The following MYH13 variants were observed in gnomAD, a reference collection of about 807,000 sequenced individuals.
MYH13 encodes myosin-13.
Under a neutral mutation model 232.1 loss-of-function variants are expected in MYH13, and 177 were observed. That is an observed-to-expected ratio of 0.76 (90% CI 0.67 to 0.86). MYH13 has a LOEUF of 0.86. Ranked by LOEUF, MYH13 falls within the 40% of genes least tolerant of loss-of-function variation. MYH13 has a pLI of 0.00. For synonymous variants in MYH13, 884 were observed against 923.5 expected, an observed-to-expected ratio of 0.96 and a Z score of 0.78; for missense variants, 2,246 against 2,405.9, an observed-to-expected ratio of 0.93 and a Z score of 1.39.
intron 21 of MYH13, 132 bp from the exon 22 acceptor site, chr17:10,328,253 G>T: frequency 2.1e-6 from 2 of 964,376 alleles, no homozygotes; most frequent in Non-Finnish European, 3.1e-6. Flanking sequence ...AAGCTTGGCA[G>T]ATCCTCTGGA....
At position 10,321,660 on chromosome 17, in the gene MYH13, T is replaced by A; in HGVS notation, c.2983A>T (p.Lys995Ter). 6.2e-7 allele frequency: 1 copy of A among 1,613,840 alleles called. No homozygotes were observed. Among genetic ancestry groups the A allele is most frequent in the Non-Finnish European group, 8.5e-7 (1 of 1,179,796 alleles). ...AGAGATTTCTTTTCTTTGGTCAATT[T>A]GGAAATGTTTTCTTCAAGTGCTGTC... ...EMTALEENIS[K>*]LTKEKKSLQE... The change falls in exon 24 of 41, where the codon AAA (lysine) becomes TAA (stop). Residue 995 changes from lysine (K) to a stop codon, truncating the protein, a stop_gained. Coordinates refer to ENST00000252172, the MANE Select transcript of MYH13 (RefSeq NM_003802.3). LOFTEE classifies it high-confidence loss of function.
At chr17:10,329,044 T>C (rs1283597771) in intron 21 of MYH13, among the ~76,000 whole-genome samples, 2 of 152,150 alleles carry the variant, frequency 1.3e-5, no homozygotes, top group Admixed American at 6.5e-5. Context: ...CCCTTCACCC[T>C]CCACAGCTTT....
rs1348261643 is a variant in MYH13 at position 10,345,519 on chromosome 17, G to A, written c.1361C>T (p.Pro454Leu). The A allele has an allele frequency of 6.2e-7, 1 of 1,613,966 alleles. No individual in the cohort carries two copies. Among genetic ancestry groups the A allele is most frequent in the Non-Finnish European group, 8.5e-7 (1 of 1,180,024 alleles). The part of the protein sequence containing the change: ...RINQQLDTKQ[P>L]RQYFIGVLDI... ...CAAGACCCCGATGAAGTACTGCCTG[G>A]GCTGCTTGGTGTCCAGCTGCTGGTT... The change falls in exon 14 of 41, where the codon CCC becomes CTC. Residue 454 changes from proline to leucine, a missense_variant. By Grantham distance (98) the Pro-to-Leu change is moderately conservative. Transcript: ENST00000252172.
At chr17:10,338,204 G>A (rs1277301379) in intron 18 of MYH13, among the ~76,000 whole-genome samples, 1 of 148,076 alleles carries the variant, frequency 6.8e-6, no homozygotes, top group Admixed American at 6.9e-5. Flanking sequence ...ACTCAACGAC[G>A]ACAGTAACAG....
intron 18 of MYH13, among the ~76,000 whole-genome samples, chr17:10,339,757 A>G (rs2071606766): frequency 6.6e-6 from 1 of 152,244 alleles, no homozygotes; most frequent in South Asian, 2.1e-4. Context: ...GTATATTCCA[A>G]ATATTGCATA....
At position 10,320,296 on chromosome 17, in the gene MYH13, G is replaced by C; in HGVS notation, c.3258-53C>G. On this transcript the variant is annotated intron_variant, in intron 25 of 40. Transcript: ENST00000252172. ...AACATGAAATACAAGCCTCTTGGAG[G>C]GGGTGAAAGTTGGCTTTTAGGCTGA... 5 of 1,605,612 alleles carry C rather than the reference G, an allele frequency of 3.1e-6. 1 individual carries two copies. Among genetic ancestry groups the C allele is most frequent in the Non-Finnish European group, 4.3e-6 (5 of 1,175,520 alleles).
chr17:10,315,115 G>A (rs943315243), intron 29 of MYH13, among the ~76,000 whole-genome samples: 3 of 152,138 alleles, frequency 2.0e-5, no homozygotes, highest in African/African-American at 7.2e-5. Context: ...TGGGGAGGAG[G>A]TGCCCTGGCT....
In MYH13 at chr17:10,324,228, C is replaced by T. The variant is rs1907114188; in HGVS notation, c.2728G>A (p.Glu910Lys). Reference protein sequence around the residue: ...ENLMDAEERCEGLIKSKILLE... With the variant: ...ENLMDAEERCKGLIKSKILLE... ...AGGATCTTGCTTTTGATGAGTCCTT[C>T]ACACCGTTCCTCAGCGTCCATCAGA... Residue 910 changes from glutamate to lysine, a missense_variant, in exon 23 of 41, where the codon GAA becomes AAA. By Grantham distance (56) the Glu-to-Lys change is moderately conservative. Coordinates refer to ENST00000252172, the MANE Select transcript of MYH13 (RefSeq NM_003802.3). 1.9e-6 allele frequency: 3 copies of T among 1,613,942 alleles called. No individual in the cohort carries two copies. The highest frequency in any genetic ancestry group is 2.5e-6 in the Non-Finnish European group (3 of 1,179,878).
chr17:10,304,133 GGGAGGGATAGCATTA>G lies in MYH13; in HGVS notation c.5467-650_5467-636del, dbSNP rs1906197568. Among the ~76,000 whole-genome samples, 1 of 152,200 alleles carries G rather than the reference GGGAGGGATAGCATTA, an allele frequency of 6.6e-6. No individual in the cohort carries two copies. The highest frequency in any genetic ancestry group is 2.1e-4 in the South Asian group (1 of 4,822). On this transcript the variant is annotated intron_variant, in intron 37 of 40. Transcript: ENST00000252172. This position sits in a 1 kb window ranked among gnomAD's most constrained non-coding sequence, Gnocchi z 5.3. The stretch of plus-strand genomic sequence containing the variant: ...GACCTGTCAGGGGGCAGGGGGCTAG[GGGAGGGATAGCATTA>G]GGAGTAATACCTAATGTAAATGATG...
In MYH13 at chr17:10,301,560, T is replaced by G; in HGVS notation, c.5802+9A>C. On this transcript the variant is annotated intron_variant, in intron 40 of 40. Transcript: ENST00000252172. ...AGCTGGCCCCTATATCTCAGGTACCTGCTCTTACCTGGCTGCCCACGTCTC... is the reference window on the plus strand; with the variant it reads ...AGCTGGCCCCTATATCTCAGGTACCGGCTCTTACCTGGCTGCCCACGTCTC... 6.2e-7 allele frequency: 1 copy of G among 1,614,084 alleles called. No individual in the cohort carries two copies.
intron 35 of MYH13, 45 bp from the exon 36 acceptor site, chr17:10,307,109 G>T (rs577052802): frequency 1.9e-6 from 3 of 1,591,534 alleles, no homozygotes; most frequent in Non-Finnish European, 2.6e-6. Flanking sequence ...CTATTGGGGC[G>T]CTTAAAAAAA....
chr17:10,332,586 C>T (rs548841285), intron 19 of MYH13, among the ~76,000 whole-genome samples: 1 of 152,346 alleles, frequency 6.6e-6, no homozygotes, highest in South Asian at 2.1e-4. Context: ...GTCCTCCATC[C>T]TGGACAAGGC....
At chr17:10,361,241 G>A (rs931531631) in intron 5 of MYH13, among the ~76,000 whole-genome samples, 1 of 151,736 alleles carries the variant, frequency 6.6e-6, no homozygotes, top group Non-Finnish European at 1.5e-5. Flanking sequence ...GGACACCATT[G>A]CATTAGATGA....
chr17:10,350,652 C>T lies in MYH13; in HGVS notation c.1048G>A (p.Gly350Arg), dbSNP rs757492935. The change falls in exon 12 of 41, where the codon GGG becomes AGG. Residue 350 changes from glycine to arginine, a missense_variant. Physicochemically the swap from Gly to Arg is moderately radical, Grantham distance 125. Coordinates refer to ENST00000252172, the MANE Select transcript of MYH13 (RefSeq NM_003802.3). The part of the protein sequence containing the change: ...ILGFSSEEKV[G>R]IYKLTGAVMH... ...ACGGCTCCCGTCAGTTTGTAGATCC[C>T]GACTTTCTCCTCTGAGCTGAAGCCC... 20 of 1,613,708 alleles carry T rather than the reference C, an allele frequency of 1.2e-5. No homozygotes were observed. The East Asian group carries it at 3.6e-4, about 29-fold the overall frequency.
intron 18 of MYH13, among the ~76,000 whole-genome samples, chr17:10,333,805 G>A (rs1907494293): frequency 6.6e-6 from 1 of 152,144 alleles, no homozygotes. Flanking sequence ...CTACTTGGGA[G>A]GCTGAGGCAG....
chr17:10,332,370 C>T (rs1481663340), intron 19 of MYH13, 148 bp from the exon 20 acceptor site: 35 of 1,080,514 alleles, frequency 3.2e-5, no homozygotes, highest in Non-Finnish European at 4.2e-5. Context: ...TAGCTAGGGA[C>T]TGATTCTAGC....
In MYH13 at chr17:10,309,597, C is replaced by A. The variant is rs1247273471; in HGVS notation, c.4890G>T (p.Glu1630Asp). The change falls in exon 34 of 41, where the codon GAG becomes GAT. Residue 1630 changes from glutamate to aspartate, a missense_variant. Coordinates refer to ENST00000252172, the MANE Select transcript of MYH13 (RefSeq NM_003802.3). ...GGCGGTTGGAGTGGCCCAGCTGAATCTCCATCTCATTAAGGTCTCCCTCCA... is the reference window on the plus strand; with the variant it reads ...GGCGGTTGGAGTGGCCCAGCTGAATATCCATCTCATTAAGGTCTCCCTCCA... ...KKMEGDLNEM[E>D]IQLGHSNRQM... 6.2e-7 allele frequency: 1 copy of A among 1,613,574 alleles called. No individual in the cohort carries two copies. Among genetic ancestry groups the A allele is most frequent in the Admixed American group, 1.7e-5 (1 of 59,986 alleles).
Position 10,360,194 on chromosome 17 carries a change from A to G in MYH13, c.506-6T>C, listed in dbSNP as rs765484964. On this transcript the variant is annotated splice_polypyrimidine_tract_variant and splice_region_variant and intron_variant, in intron 5 of 40. Coordinates refer to ENST00000252172, the MANE Select transcript of MYH13 (RefSeq NM_003802.3). ...GATAGACTGGTTGTCTCGATCTAGAAATGCAGAGGGAAGCAAAACAAAACA... is the reference window on the plus strand; with the variant it reads ...GATAGACTGGTTGTCTCGATCTAGAGATGCAGAGGGAAGCAAAACAAAACA... 1.2e-6 allele frequency: 2 copies of G among 1,613,228 alleles called. No homozygotes were observed. Among genetic ancestry groups the G allele is most frequent in the Non-Finnish European group, 1.7e-6 (2 of 1,179,508 alleles).
intron 8 of MYH13, among the ~76,000 whole-genome samples, chr17:10,356,004 G>T (rs1379843155): frequency 6.6e-6 from 1 of 152,066 alleles, no homozygotes; most frequent in Non-Finnish European, 1.5e-5. Flanking sequence ...ACAACTCAGG[G>T]TCTAGGTGGC....
Sources: allele counts gnomAD v4.1 joint callset (sites outside exome capture counted in the v4.1 genomes callset), GRCh38; gene constraint gnomAD v4.1.1; non-coding constraint Gnocchi (gnomAD v3.1); transcripts MANE v1.5; gene names NCBI Gene and HGNC (gene_info 2026-07-23, HGNC 2026-07-21).